RYR1: variants seen among roughly 807,000 people sequenced by gnomAD.
The protein encoded by RYR1 is central core disease of muscle.
In RYR1, 342 loss-of-function variants were observed where a neutral mutation model predicts 583.5. The ratio of observed to expected loss-of-function variants is 0.59; its 90% CI spans 0.54 to 0.64. The LOEUF is 0.64. Among genes scored for constraint, RYR1 ranks in the 30% least tolerant of loss-of-function variants. The probability of loss-of-function intolerance (pLI) is 0.00; values close to 1 mark genes in which losing one functional copy is unlikely to be tolerated. For missense variants in RYR1, 6,032 were observed against 6,917.2 expected (o/e 0.87, Z 4.54); for synonymous variants, 2,791 against 2,822.5 (o/e 0.99, Z 0.35).
Position 38,506,537 on chromosome 19 carries a change from G to A in RYR1, c.8683G>A (p.Glu2895Lys). The A allele has an allele frequency of 6.2e-7, 1 of 1,613,988 alleles. No homozygotes were observed. Among genetic ancestry groups the A allele is most frequent in the Non-Finnish European group, 8.5e-7 (1 of 1,179,974 alleles). Residue 2895 changes from glutamate to lysine, a missense_variant, in exon 56 of 106, where the codon GAA becomes AAA. Physicochemically the swap from Glu to Lys is moderately conservative, Grantham distance 56. Coordinates refer to ENST00000359596, the MANE Select transcript of RYR1 (RefSeq NM_000540.3). ...TWGRKKKQEL[E>K]AKGGGTHPLL... ...GGGACGGAAGAAGAAGCAGGAGCTG[G>A]AAGCCAAAGGTGAGGGCGCCCATGC...
intron 94 of RYR1, among the ~76,000 whole-genome samples, chr19:38,571,289 TC>T (rs576288010): frequency 6.6e-6 from 1 of 152,222 alleles, no homozygotes; most frequent in South Asian, 2.1e-4. Flanking sequence ...TCCCTGTGCC[TC>T]AACTCCCTCA....
intron 104 of RYR1, 111 bp downstream of exon 104, chr19:38,586,302 G>T: frequency 8.6e-7 from 1 of 1,161,642 alleles, no homozygotes; most frequent in East Asian, 2.5e-5. Flanking sequence ...GTCCATGTGG[G>T]CAGATTCCCT....
chr19:38,447,851 AAAAAAAAC>A (rs1246744711), intron 9 of RYR1, among the ~76,000 whole-genome samples: 1 of 151,738 alleles, frequency 6.6e-6, no homozygotes, highest in East Asian at 1.9e-4. Context: ...TAAAAAAAAA[AAAAAAAAC>A]AAGCAAAACA....
intron 84 of RYR1, among the ~76,000 whole-genome samples, chr19:38,540,134 AG>A (rs1259908979): frequency 6.6e-6 from 1 of 152,136 alleles, no homozygotes; most frequent in Non-Finnish European, 1.5e-5. Context: ...AAATACTTTC[AG>A]GGGCTGTTAA....
rs78929299 is a variant in RYR1, at chr19:38,545,050, T to G, written c.12012+1175T>G. Among the ~76,000 whole-genome samples, 684 of 151,820 alleles carry G rather than the reference T, an allele frequency of 4.5e-3. 3 individuals are homozygous for G. The highest frequency in any genetic ancestry group is 0.016 in the African/African-American group (645 of 41,380). On this transcript the variant is annotated intron_variant, in intron 87 of 105. Transcript: ENST00000359596. ...TCTTAACAGCCCTAGAGGGAAGAGA[T>G]CTCCTCTTTCCTGAAAGCTCCAAGA...
At chr19:38,568,248 G>A (rs763207114) in intron 93 of RYR1, among the ~76,000 whole-genome samples, 3 of 152,128 alleles carry the variant, frequency 2.0e-5, no homozygotes, top group Non-Finnish European at 4.4e-5. Context: ...CCTTCCCACC[G>A]TGGCCTGTTC....
rs562884331 is a variant in RYR1, at chr19:38,529,777, T to C, written c.11141+720T>C. Among the ~76,000 whole-genome samples, 4 of 152,274 alleles carry C rather than the reference T, an allele frequency of 2.6e-5. No individual in the cohort carries two copies. The South Asian group carries it at 8.3e-4, about 32-fold the overall frequency. ...CAGGCTTAGTAATAAATAATTGTGA[T>C]GCAGATGGCGCAGCTGCTGCCGCTG... On this transcript the variant is annotated intron_variant, in intron 76 of 105. Coordinates refer to ENST00000359596, the MANE Select transcript of RYR1 (RefSeq NM_000540.3).
rs761996554 is a variant in RYR1, at chr19:38,519,378, C to T, written c.10183C>T (p.Arg3395Trp). The T allele has an allele frequency of 1.8e-5, 29 of 1,606,662 alleles. No individual in the cohort carries two copies. Among genetic ancestry groups the T allele is most frequent in the East Asian group, 1.4e-4 (6 of 44,352 alleles). ...GGCCCAGGAGGGCGAGCTGCTGGTGCGGGACGAGTTCTCTGTGCTCTGCCG... is the reference window on the plus strand; with the variant it reads ...GGCCCAGGAGGGCGAGCTGCTGGTGTGGGACGAGTTCTCTGTGCTCTGCCG... ...AEAQEGELLV[R>W]DEFSVLCRDL... The change falls in exon 67 of 106, where the codon CGG becomes TGG. Residue 3395 changes from arginine to tryptophan, a missense_variant. By Grantham distance (101) the Arg-to-Trp change is moderately radical (BLOSUM62 -3). Around this residue, in one of 11 missense-constraint regions of RYR1, gnomAD observed 1,493 missense variants for 1,715.5 expected, o/e 0.87. Coordinates refer to ENST00000359596, the MANE Select transcript of RYR1 (RefSeq NM_000540.3).
At chr19:38,511,315 GAAT>G in intron 60 of RYR1, among the ~76,000 whole-genome samples, 1 of 151,702 alleles carries the variant, frequency 6.6e-6, no homozygotes, top group Non-Finnish European at 1.5e-5. Context: ...AACAAACAAA[GAAT>G]AATAAGAAAG....
Position 38,442,081 on chromosome 19 carries a change from A to T in RYR1, c.166-268A>T, listed in dbSNP as rs558511002. Among the ~76,000 whole-genome samples, 6 of 149,768 alleles carry T rather than the reference A, an allele frequency of 4.0e-5. No homozygotes were observed. The East Asian group carries it at 1.2e-3, about 30-fold the overall frequency. ...TTAGGTGGAACACGGGTTAGTGGGG[A>T]GGGTTAGGGTTAGGGAAGTTTCTAT... On this transcript the variant is annotated intron_variant, in intron 2 of 105. Coordinates refer to ENST00000359596, the MANE Select transcript of RYR1 (RefSeq NM_000540.3).
At chr19:38,552,008 C>T (rs1309406773) in intron 89 of RYR1, among the ~76,000 whole-genome samples, 1 of 151,646 alleles carries the variant, frequency 6.6e-6, no homozygotes, top group African/African-American at 2.4e-5. Flanking sequence ...AGTGCAGTGG[C>T]GTGATCACAA....
intron 67 of RYR1, among the ~76,000 whole-genome samples, chr19:38,521,959 C>T (rs889034722): frequency 1.3e-5 from 2 of 151,868 alleles, no homozygotes; most frequent in East Asian, 2.0e-4. Flanking sequence ...CTGCCCGCCT[C>T]GGCCTCCCAA....
In RYR1 at chr19:38,493,096, G is replaced by A. The variant is rs1305855113; in HGVS notation, c.6274+460G>A. Among the ~76,000 whole-genome samples, 8 of 152,050 alleles carry A rather than the reference G, an allele frequency of 5.3e-5. No individual in the cohort carries two copies. The East Asian group carries it at 1.5e-3, about 29-fold the overall frequency. ...AAAAAAAACAAAAACAAAGATGCAT[G>A]CTGGAGGTTTGCCTCCAGAGATGGG... is the stretch of plus-strand genomic sequence containing the variant. On this transcript the variant is annotated intron_variant, in intron 38 of 105. Transcript: ENST00000359596.
chr19:38,486,829 C>T (rs1969322282), intron 34 of RYR1, among the ~76,000 whole-genome samples: 1 of 152,186 alleles, frequency 6.6e-6, no homozygotes, highest in Non-Finnish European at 1.5e-5. Flanking sequence ...TCCACCCATT[C>T]ATCCTATCCA....
chr19:38,541,740 A>T (rs900205662), intron 84 of RYR1, among the ~76,000 whole-genome samples: 1 of 151,978 alleles, frequency 6.6e-6, no homozygotes, highest in African/African-American at 2.4e-5. Flanking sequence ...TTCCTACCAT[A>T]GATTGCAGTC....
chr19:38,567,744 T>A, intron 92 of RYR1, 29 bp from the exon 93 acceptor site: 1 of 1,614,128 alleles, frequency 6.2e-7, no homozygotes, highest in Non-Finnish European at 8.5e-7. Flanking sequence ...CCCAGGCACC[T>A]CCTGACCTCT....
In RYR1 at chr19:38,543,749, C is replaced by G. The variant is rs369123879; in HGVS notation, c.11908-22C>G. 33 of 1,611,662 alleles carry G rather than the reference C, an allele frequency of 2.0e-5. No individual in the cohort carries two copies. Among genetic ancestry groups the G allele is most frequent in the African/African-American group, 1.3e-4 (10 of 74,926 alleles). On this transcript the variant is annotated intron_variant, in intron 86 of 105. Transcript: ENST00000359596. The surrounding 1 kb of genome is among the most constrained non-coding windows in gnomAD (Gnocchi z 4.4). ...CCTTCTCGGGGATTCCCTTCCCCCC[C>G]ACACGGCACTCTGCCTCCCAGGGTC...
intron 87 of RYR1, 84 bp from the exon 88 acceptor site, chr19:38,546,361 G>C: frequency 8.3e-7 from 1 of 1,203,168 alleles, no homozygotes; most frequent in South Asian, 1.2e-5. Context: ...TTTAGGCCCT[G>C]CTGGGTAGGT....
Position 38,455,275 on chromosome 19 carries a change from A to C in RYR1, c.1481A>C (p.Asn494Thr). 1 of 1,614,088 alleles carries C rather than the reference A, an allele frequency of 6.2e-7. No homozygotes were observed. Residue 494 changes from asparagine (N) to threonine (T), a missense_variant, in exon 14 of 106, where the codon AAT (asparagine) becomes ACT (threonine). This residue lies in a region of RYR1 where 2,627 missense variants were observed against 2,961.3 expected (regional missense o/e 0.89). Transcript: ENST00000359596. ...SMVLNCIDRLNVYTTAAHFAE... is the reference protein window; with the variant it reads ...SMVLNCIDRLTVYTTAAHFAE... ...GTCCTGAATTGCATAGACCGCCTAA[A>C]TGTCTACACCACTGCTGCCCACTTT...
Sources: allele counts gnomAD v4.1 joint callset (sites outside exome capture counted in the v4.1 genomes callset), GRCh38; gene constraint gnomAD v4.1.1; regional missense constraint gnomAD v4.1.1; non-coding constraint Gnocchi (gnomAD v3.1); transcripts MANE v1.5; gene names NCBI Gene and HGNC (gene_info 2026-07-23, HGNC 2026-07-21).